AGBL4: variants seen among roughly 807,000 people sequenced by gnomAD.
The protein encoded by AGBL4 is AGBL carboxypeptidase 4.
Under a neutral mutation model 66.4 loss-of-function variants are expected in AGBL4, and 58 were observed. That is an observed-to-expected ratio of 0.87 (90% confidence interval 0.71 to 1.09). AGBL4 has a LOEUF of 1.09. Ranked by LOEUF, AGBL4 falls within the 50% of genes least tolerant of loss-of-function variation. The pLI is 0.00. For synonymous variants in AGBL4, 234 were observed against 222.9 expected (o/e 1.05, Z -0.44); for missense variants, 579 against 631.0 (o/e 0.92, Z 0.88).
intron 4 of AGBL4, among the ~76,000 whole-genome samples, chr1:49,058,085 C>G (rs1048669756): frequency 5.9e-5 from 9 of 152,148 alleles, no homozygotes; most frequent in Non-Finnish European, 1.2e-4. Context: ...TAGTGCCTCT[C>G]AGAGAAAGGA....
At chr1:48,693,759 C>T (rs1280440614) in intron 6 of AGBL4, among the ~76,000 whole-genome samples, 1 of 152,186 alleles carries the variant, frequency 6.6e-6, no homozygotes, top group African/African-American at 2.4e-5. Context: ...CATAAAACCC[C>T]TTTCTAAGTC....
chr1:49,045,644 A>G lies in AGBL4; in HGVS notation c.534T>C (p.Leu178=). The G allele has an allele frequency of 1.3e-6, 2 of 1,598,454 alleles. No individual in the cohort carries two copies. The highest frequency in any genetic ancestry group is 1.7e-5 in the Admixed American group (1 of 58,338). ...PYTYTRFQHY[L]DSLQKRNMDY... ...CCATGTTTCTCTTTTGCAGGCTGTC[A>G]AGGTAATGTTGGAAGCGAGTGTATG... The change falls in exon 5 of 14, where the codon CTT becomes CTC. Residue 178 remains leucine, a synonymous_variant. Transcript: ENST00000371839.
At chr1:49,156,742 T>A (rs549659855) in intron 4 of AGBL4, among the ~76,000 whole-genome samples, 2 of 152,322 alleles carry the variant, frequency 1.3e-5, no homozygotes, top group South Asian at 4.1e-4. Flanking sequence ...TATCGATTAA[T>A]ATAACCTTAT....
chr1:48,938,330 C>A (rs528474741), intron 5 of AGBL4, among the ~76,000 whole-genome samples: 218 of 152,198 alleles, frequency 1.4e-3, no homozygotes, highest in Non-Finnish European at 1.9e-3. Flanking sequence ...CAAATATGAT[C>A]CCTGCCATCA....
At position 48,987,799 on chromosome 1, in the gene AGBL4, C is replaced by T. The variant is rs143940751; in HGVS notation, c.594+57785G>A. Among the ~76,000 whole-genome samples, 801 of 152,146 alleles carry T rather than the reference C, an allele frequency of 5.3e-3. 5 individuals are homozygous for T. Among genetic ancestry groups the T allele is most frequent in the Middle Eastern group, 0.027 (8 of 294 alleles). On this transcript the variant is annotated intron_variant, in intron 5 of 13. Coordinates refer to ENST00000371839, the MANE Select transcript of AGBL4 (RefSeq NM_032785.4). ...CATGTGAAAAACCTGATGGAATCTACATAAAAGCTGTAAGAACTAATAAAT... is the reference window on the plus strand; with the variant it reads ...CATGTGAAAAACCTGATGGAATCTATATAAAAGCTGTAAGAACTAATAAAT...
At chr1:49,965,582 C>A (rs1467985034) in intron 1 of AGBL4, among the ~76,000 whole-genome samples, 1 of 152,170 alleles carries the variant, frequency 6.6e-6, no homozygotes, top group East Asian at 1.9e-4. Context: ...TTTCACTTAA[C>A]CTCCTTTTCT....
chr1:49,219,454 T>A (rs1649330259), intron 4 of AGBL4, among the ~76,000 whole-genome samples: 1 of 152,134 alleles, frequency 6.6e-6, no homozygotes. Flanking sequence ...CCCCATATCA[T>A]GATATTCATG....
chr1:49,380,830 A>T (rs1459688800), intron 3 of AGBL4, among the ~76,000 whole-genome samples: 2 of 152,216 alleles, frequency 1.3e-5, no homozygotes, highest in Non-Finnish European at 2.9e-5. Flanking sequence ...CTTACACCTT[A>T]TACAAAAATT....
At chr1:48,586,176 CT>C (rs1231988462) in intron 11 of AGBL4, 1 of 152,194 alleles carries the variant, frequency 6.6e-6, no homozygotes, top group South Asian at 2.1e-4. Flanking sequence ...ACTAGAGTTA[CT>C]ACCTAATCCT....
At chr1:49,543,473 T>A (rs763895637) in intron 3 of AGBL4, among the ~76,000 whole-genome samples, 11 of 151,872 alleles carry the variant, frequency 7.2e-5, no homozygotes, top group Non-Finnish European at 1.3e-4. Context: ...AGTTTTAAGT[T>A]TTGAATAAAA....
At chr1:49,958,807 C>G (rs957942890) in intron 1 of AGBL4, among the ~76,000 whole-genome samples, 1 of 151,354 alleles carries the variant, frequency 6.6e-6, no homozygotes, top group African/African-American at 2.4e-5. Context: ...CAAACCTGCA[C>G]GTTGTGCACA....
chr1:49,405,922 T>C (rs1159309735), intron 3 of AGBL4, among the ~76,000 whole-genome samples: 4 of 152,232 alleles, frequency 2.6e-5, no homozygotes, highest in Admixed American at 1.3e-4. Context: ...AAGAATCCTA[T>C]TGGAAGAAGA....
intron 6 of AGBL4, among the ~76,000 whole-genome samples, chr1:48,718,688 C>T (rs1416447327): frequency 6.6e-6 from 1 of 152,116 alleles, no homozygotes; most frequent in African/African-American, 2.4e-5. Context: ...GTTTCCCAAC[C>T]CTGATTTGGG....
chr1:49,884,755 T>G (rs1034075202), intron 1 of AGBL4, among the ~76,000 whole-genome samples: 3 of 151,868 alleles, frequency 2.0e-5, no homozygotes, highest in Admixed American at 6.6e-5. Flanking sequence ...TATGCCTTGC[T>G]GACATTGGTT....
intron 2 of AGBL4, among the ~76,000 whole-genome samples, chr1:49,803,244 C>A (rs1039902412): frequency 6.6e-6 from 1 of 151,906 alleles, no homozygotes; most frequent in African/African-American, 2.4e-5. Flanking sequence ...AGATTTGATC[C>A]CCACTCCTTT....
chr1:49,252,560 A>G (rs1284624540), intron 3 of AGBL4, among the ~76,000 whole-genome samples: 3 of 152,202 alleles, frequency 2.0e-5, no homozygotes. Flanking sequence ...AATGTAGAGA[A>G]CTCCAGTAAG....
chr1:48,536,231 C>T (rs752862059), intron 12 of AGBL4, among the ~76,000 whole-genome samples: 1 of 152,038 alleles, frequency 6.6e-6, no homozygotes, highest in Non-Finnish European at 1.5e-5. Context: ...AAAGGATGTA[C>T]AAAGACATGG....
At chr1:49,527,062 C>A (rs1033971459) in intron 3 of AGBL4, among the ~76,000 whole-genome samples, 1 of 152,064 alleles carries the variant, frequency 6.6e-6, no homozygotes, top group Non-Finnish European at 1.5e-5. Context: ...TAAGTAAATA[C>A]TATGTGTCAG....
At chr1:49,499,920 T>C (rs934754101) in intron 3 of AGBL4, among the ~76,000 whole-genome samples, 4 of 152,176 alleles carry the variant, frequency 2.6e-5, no homozygotes, top group African/African-American at 9.6e-5. Flanking sequence ...AAATGGTAGA[T>C]CTACTTTTCA....
Sources: gnomAD v4.1 joint callset for allele counts (sites outside exome capture counted in the v4.1 genomes callset) on GRCh38, gnomAD v4.1.1 for gene constraint, MANE v1.5 for transcripts, NCBI Gene and HGNC (gene_info 2026-07-23, HGNC 2026-07-21) for gene names.